Variants in PUS3 observed in about 807,000 individuals in gnomAD.
The protein encoded by PUS3 is tRNA pseudouridine(38/39) synthase.
In PUS3, 36 loss-of-function variants were observed where a neutral mutation model predicts 43.3. That is an observed-to-expected ratio of 0.83 (90% CI 0.64 to 1.10). The LOEUF (loss-of-function observed/expected upper bound fraction) is 1.10, where lower values mean the gene tolerates loss of function less well. Ranked by LOEUF, PUS3 falls within the 50% of genes least tolerant of loss-of-function variation. The pLI, the probability that PUS3 is intolerant of heterozygous loss-of-function variation, is 0.00. For synonymous variants in PUS3, 183 were observed against 199.2 expected (o/e 0.92, Z 0.69); for missense variants, 544 against 589.9 (o/e 0.92, Z 0.81).
Position 125,895,235 on chromosome 11 carries a change from C to T in PUS3, c.933G>A (p.Lys311=), listed in dbSNP as rs774278692. Residue 311 remains lysine (K), a synonymous_variant, in exon 3 of 4, where the codon AAG becomes AAA. Transcript: ENST00000227474. Reference sequence around the variant, plus strand: ...TATTTTTAACTCACCTATATTGAGGCTTTTGGGGATTTTTCTCTATATTCA... The same window carrying T: ...TATTTTTAACTCACCTATATTGAGGTTTTTGGGGATTTTTCTCTATATTCA... ...ELLNIEKNPQ[K]PQYSMAVEFP... 1.3e-6 allele frequency: 2 copies of T among 1,586,396 alleles called. No individual in the cohort carries two copies. Among genetic ancestry groups the T allele is most frequent in the Non-Finnish European group, 1.7e-6 (2 of 1,169,556 alleles).
At chr11:125,894,411 A>G (rs1944512840) in intron 3 of PUS3, 125 bp from the exon 4 acceptor site, 9 of 688,060 alleles carry the variant, frequency 1.3e-5, no homozygotes, top group Admixed American at 5.5e-5. Context: ...AATATTGCCT[A>G]ATAGCTGAGA....
At chr11:125,899,584 T>G in intron 1 of PUS3, 1 of 1,614,078 alleles carries the variant, frequency 6.2e-7, no homozygotes, top group South Asian at 1.1e-5. Flanking sequence ...AGTACCCACA[T>G]GTAGAAAGTA....
chr11:125,894,229 C>G lies in PUS3; in HGVS notation c.1002G>C (p.Trp334Cys), dbSNP rs570619511. The change falls in exon 4 of 4, where the codon TGG becomes TGC. Residue 334 changes from tryptophan to cysteine, a missense_variant. Transcript: ENST00000227474. ...LYDCKFENVK[W>C]IYDQEAQEFN... is the part of the protein sequence containing the mutation. ...ACTCCTGAGCCTCCTGGTCATAGAT[C>G]CACTTGACATTTTCAAACTTACAGT... The G allele has an allele frequency of 6.2e-7, 1 of 1,613,064 alleles. No individual in the cohort carries two copies. The highest frequency in any genetic ancestry group is 1.3e-5 in the African/African-American group (1 of 74,966).
chr11:125,903,067 G>T, intron 1 of PUS3, 103 bp downstream of exon 1: 1 of 462,900 alleles, frequency 2.2e-6, no homozygotes, highest in Non-Finnish European at 2.8e-6. Flanking sequence ...GTATGTGAAA[G>T]AGGGCAAAAA....
At chr11:125,895,845 AGT>A in intron 2 of PUS3, 56 bp from the exon 3 acceptor site, 1 of 1,584,674 alleles carries the variant, frequency 6.3e-7, no homozygotes, top group Non-Finnish European at 8.6e-7. Context: ...CTCAGTACTC[AGT>A]GTGTATACCT....
At chr11:125,897,996 G>A (rs1021788891) in intron 1 of PUS3, among the ~76,000 whole-genome samples, 4 of 152,084 alleles carry the variant, frequency 2.6e-5, no homozygotes, top group South Asian at 2.1e-4. Context: ...GGAATTCCGC[G>A]CAACATAAAA....
At position 125,895,508 on chromosome 11, in the gene PUS3, A is replaced by C. The variant is rs367946467; in HGVS notation, c.660T>G (p.His220Gln). 1.2e-6 allele frequency: 2 copies of C among 1,614,170 alleles called. No individual in the cohort carries two copies. Among genetic ancestry groups the C allele is most frequent in the Non-Finnish European group, 1.7e-6 (2 of 1,180,038 alleles). ...DYAAQKYVGT[H>Q]DFRNLCKMDV... ...CCATTTTACACAAGTTCCTGAAATC[A>C]TGGGTGCCAACATACTTCTGAGCTG... Residue 220 changes from histidine (H) to glutamine (Q), a missense_variant, in exon 3 of 4, where the codon CAT becomes CAG. Coordinates refer to ENST00000227474, the MANE Select transcript of PUS3 (RefSeq NM_031307.4).
chr11:125,893,928 G>A lies in PUS3; in HGVS notation c.1303C>T (p.Arg435Ter), dbSNP rs774005569. ...TGGAATAAATGTGGGTGCTCAATTC[G>A]TCCCCTACGTACAAAATGCTGGATC... ...SRIQHFVRRG[R>*]IEHPHLFHEE... Residue 435 changes from arginine (R) to a stop codon, truncating the protein, a stop_gained, in exon 4 of 4, where the codon CGA becomes TGA. Coordinates refer to ENST00000227474, the MANE Select transcript of PUS3 (RefSeq NM_031307.4). LOFTEE classifies it high-confidence loss of function. 1.9e-5 allele frequency: 31 copies of A among 1,613,966 alleles called. No homozygotes were observed. Among genetic ancestry groups the A allele is most frequent in the Non-Finnish European group, 2.5e-5 (29 of 1,180,000 alleles).
At position 125,895,730 on chromosome 11, in the gene PUS3, A is replaced by G. The variant is rs1944562901; in HGVS notation, c.438T>C (p.Asn146=). Residue 146 remains asparagine, a synonymous_variant, in exon 3 of 4, where the codon AAT becomes AAC. Coordinates refer to ENST00000227474, the MANE Select transcript of PUS3 (RefSeq NM_031307.4). The stretch of plus-strand genomic sequence containing the variant: ...CAGCAGCATTAGCCTCCTCTTTTAC[A>G]TTAAAGTCCTCGGAATCCCTGCCCC... ...FPRGRDSEDF[N]VKEEANAAAE... The G allele has an allele frequency of 1.2e-6, 2 of 1,612,784 alleles. No individual in the cohort carries two copies. The highest frequency in any genetic ancestry group is 1.7e-6 in the Non-Finnish European group (2 of 1,179,764).
intron 1 of PUS3, chr11:125,900,455 A>T (rs1280506381): frequency 6.7e-6 from 4 of 600,682 alleles, no homozygotes; most frequent in Non-Finnish European, 9.0e-6. Flanking sequence ...TTGCCACTCA[A>T]ATCCAGCAAT....
chr11:125,895,598 G>A lies in PUS3; in HGVS notation c.570C>T (p.Cys190=), dbSNP rs750088950. The A allele has an allele frequency of 4.3e-6, 7 of 1,614,114 alleles. No homozygotes were observed. In the African/African-American group the frequency reaches 6.7e-5, roughly 15 times the overall value. ...AAAAATAGCGGTAAGTCCGCTCAAG[G>A]CAGCTGAACCTAGCACTGAAGCTTG... ...VEPSFSARFS[C]LERTYRYFFP... is the part of the protein sequence containing the mutation. The change falls in exon 3 of 4, where the codon TGC becomes TGT. Residue 190 remains cysteine, a synonymous_variant. Transcript: ENST00000227474.
chr11:125,900,648 G>A, intron 1 of PUS3: 1 of 262,898 alleles, frequency 3.8e-6, no homozygotes, highest in Non-Finnish European at 7.8e-6. Context: ...GGAAATTCAT[G>A]AACTTGAACA....
chr11:125,894,918 G>A (rs1303699477), intron 3 of PUS3, among the ~76,000 whole-genome samples: 1 of 152,184 alleles, frequency 6.6e-6, no homozygotes, highest in Non-Finnish European at 1.5e-5. Flanking sequence ...ATAGAACAAT[G>A]AGAGGAAATT....
chr11:125,895,544 G>A lies in PUS3; in HGVS notation c.624C>T (p.Thr208=). 1 of 1,614,158 alleles carries A rather than the reference G, an allele frequency of 6.2e-7. No homozygotes were observed. Among genetic ancestry groups the A allele is most frequent in the Non-Finnish European group, 8.5e-7 (1 of 1,180,038 alleles). The change falls in exon 3 of 4, where the codon ACC becomes ACT. Residue 208 remains threonine (T), a synonymous_variant. Coordinates refer to ENST00000227474, the MANE Select transcript of PUS3 (RefSeq NM_031307.4). The part of the protein sequence containing the change: ...FFPRADLDIV[T]MDYAAQKYVG... ...CATACTTCTGAGCTGCATAATCCAT[G>A]GTTACAATATCTAAATCAGCACGAG...
intron 3 of PUS3, among the ~76,000 whole-genome samples, chr11:125,894,492 A>G (rs1345437785): frequency 6.6e-6 from 1 of 152,172 alleles, no homozygotes; most frequent in Admixed American, 6.5e-5. Flanking sequence ...TCATAGATCA[A>G]CCTGATCTAT....
At position 125,895,263 on chromosome 11, in the gene PUS3, AG is replaced by A; in HGVS notation, c.904del (p.Leu302CysfsTer2). 6.2e-7 allele frequency: 1 copy of A among 1,605,712 alleles called. No individual in the cohort carries two copies. The highest frequency in any genetic ancestry group is 8.5e-7 in the Non-Finnish European group (1 of 1,177,424). ...TTGGGGATTTTTCTCTATATTCAGCAGCTCATCAATAATCTCTGGCTTCTCC... is the reference window on the plus strand; with the variant it reads ...TTGGGGATTTTTCTCTATATTCAGCACTCATCAATAATCTCTGGCTTCTCC... The part of the protein sequence containing the change: ...GMEKPEIIDE[L>X]LNIEKNPQKP... On this transcript the variant is annotated frameshift_variant, in exon 3 of 4. Transcript: ENST00000227474. LOFTEE classifies it high-confidence loss of function.
Position 125,894,298 on chromosome 11 carries a change from GAGAAA to G in PUS3, c.945-17_945-13del, listed in dbSNP as rs1436168759. On this transcript the variant is annotated splice_polypyrimidine_tract_variant and intron_variant, in intron 3 of 3. Coordinates refer to ENST00000227474, the MANE Select transcript of PUS3 (RefSeq NM_031307.4). ...ATTCTACAGCCATACTAGAGAAAAA[GAGAAA>G]AGAAAGTTTGAGAATACATAACATC... The G allele has an allele frequency of 5.1e-6, 8 of 1,578,736 alleles. No homozygotes were observed. The highest frequency in any genetic ancestry group is 3.6e-5 in the Admixed American group (2 of 55,850).
In PUS3 at chr11:125,893,667, TTTTTC is replaced by T. The variant is rs1591497483; in HGVS notation, c.*113_*117del. The T allele has an allele frequency of 2.4e-6, 2 of 823,748 alleles. No individual in the cohort carries two copies. The highest frequency in any genetic ancestry group is 1.7e-6 in the Non-Finnish European group (1 of 573,714). 51.0% of individuals were successfully genotyped at this position (823,748 alleles called of 1,614,324 possible). On this transcript the variant is annotated 3_prime_UTR_variant, in exon 4 of 4. Transcript: ENST00000227474. ...TAGGGCTTTAGTCTTTTTGCTTTTTTTTTTCTTTTAAGAGCTGATCATCTGAATTC... is the reference window on the plus strand; with the variant it reads ...TAGGGCTTTAGTCTTTTTGCTTTTTTTTTTAAGAGCTGATCATCTGAATTC...
Position 125,893,717 on chromosome 11 carries a change from T to G in PUS3, c.*68A>C. ...GAATTCCTAGTACTTGCAAGTAAAT[T>G]TTTTTTTTTTTCCTTTTCTGTCCAC... On this transcript the variant is annotated 3_prime_UTR_variant, in exon 4 of 4. Coordinates refer to ENST00000227474, the MANE Select transcript of PUS3 (RefSeq NM_031307.4). 1 of 1,311,470 alleles carries G rather than the reference T, an allele frequency of 7.6e-7. No homozygotes were observed. The highest frequency in any genetic ancestry group is 1.0e-6 in the Non-Finnish European group (1 of 983,938). The allele number at this position is 1,311,470 out of a possible 1,614,324, so 81.2% of individuals were successfully genotyped here.
Sources: allele counts gnomAD v4.1 joint callset (sites outside exome capture counted in the v4.1 genomes callset), GRCh38; gene constraint gnomAD v4.1.1; transcripts MANE v1.5; gene names NCBI Gene and HGNC (gene_info 2026-07-23, HGNC 2026-07-21).